PHGDH: variants seen among roughly 807,000 people sequenced by gnomAD.
PHGDH encodes D-3-phosphoglycerate dehydrogenase.
A neutral mutation model predicts 52.6 loss-of-function variants in PHGDH; 50 were observed. The ratio of observed to expected loss-of-function variants is 0.95; its 90% confidence interval spans 0.76 to 1.20. PHGDH has a LOEUF of 1.20. PHGDH is among the 50% of genes most tolerant of loss of function. The pLI, the probability that PHGDH is intolerant of heterozygous loss-of-function variation, is 0.00. For missense variants in PHGDH, 630 were observed against 684.6 expected, an observed-to-expected ratio of 0.92 and a Z score of 0.89; for synonymous variants, 271 against 280.5, an observed-to-expected ratio of 0.97 and a Z score of 0.34.
At position 119,721,372 on chromosome 1, in the gene PHGDH, G is replaced by A. The variant is rs369856334; in HGVS notation, c.290+51G>A. The A allele has an allele frequency of 2.5e-6, 4 of 1,574,068 alleles. No individual in the cohort carries two copies. The African/African-American group carries it at 5.4e-5, about 21-fold the overall frequency. On this transcript the variant is annotated intron_variant, in intron 2 of 11. Transcript: ENST00000641023. ...TTGGGGGTAGGGGGGTGAGTGCGGA[G>A]ACTGACCACACCTAGGGAGAAAAAA...
At chr1:119,726,702 C>T in intron 3 of PHGDH, 149 bp from the exon 4 acceptor site, 1 of 715,696 alleles carries the variant, frequency 1.4e-6, no homozygotes, top group Admixed American at 2.0e-5. Context: ...CCTTTATCCC[C>T]CATCAGTGTT....
At position 119,726,865 on chromosome 1, in the gene PHGDH, C is replaced by T. The variant is rs749596483; in HGVS notation, c.371C>T (p.Ala124Val). 1.8e-5 allele frequency: 29 copies of T among 1,613,904 alleles called. No homozygotes were observed. Among genetic ancestry groups the T allele is most frequent in the East Asian group, 1.1e-4 (5 of 44,898 alleles). ...IMCLARQIPQ[A>V]TASMKDGKWE... ...TATCCTTGCAGGCAGATTCCCCAGG[C>T]GACGGCTTCGATGAAGGACGGCAAA... The change falls in exon 4 of 12, where the codon GCG becomes GTG. Residue 124 changes from alanine (A) to valine (V), a missense_variant. Ala to Val is a moderately conservative substitution (Grantham distance 64). Transcript: ENST00000641023.
chr1:119,728,188 C>T (rs148660175), intron 5 of PHGDH, among the ~76,000 whole-genome samples: 30 of 152,156 alleles, frequency 2.0e-4, no homozygotes, highest in Middle Eastern at 3.4e-3. Flanking sequence ...ATATGAATAC[C>T]GAGGCTTATT....
rs1273573263 is a variant in PHGDH at position 119,737,126 on chromosome 1, G to T, written c.805G>T (p.Asp269Tyr). The T allele has an allele frequency of 4.3e-6, 7 of 1,614,052 alleles. No individual in the cohort carries two copies. In the East Asian group the frequency reaches 1.1e-4, roughly 26 times the overall value. ...TCTTTCTGGGCAGGAGCCGCCACGG[G>T]ACCGGGCCTTGGTGGACCATGAGAA... Reference protein sequence around the residue: ...LDVFTEEPPRDRALVDHENVI... With the variant: ...LDVFTEEPPRYRALVDHENVI... The change falls in exon 8 of 12, where the codon GAC (aspartate) becomes TAC (tyrosine). Residue 269 changes from aspartate to tyrosine, a missense_variant. Transcript: ENST00000641023.
At position 119,734,641 on chromosome 1, in the gene PHGDH, GGT is replaced by G; in HGVS notation, c.519_520del (p.Tyr174Ter). ...TCTCTTGCTTCCAACCAGACTATAG[GGT>G]ATGACCCCATCATTTCCCCAGAGGT... On this transcript the variant is annotated frameshift_variant, in exon 6 of 12. Coordinates refer to ENST00000641023, the MANE Select transcript of PHGDH (RefSeq NM_006623.4). LOFTEE classifies it high-confidence loss of function. The G allele has an allele frequency of 6.2e-7, 1 of 1,613,948 alleles. No individual in the cohort carries two copies.
chr1:119,738,661 C>T (rs1652051218), intron 8 of PHGDH, among the ~76,000 whole-genome samples: 1 of 152,236 alleles, frequency 6.6e-6, no homozygotes, highest in African/African-American at 2.4e-5. Context: ...CAGAAAGCAG[C>T]TGTCTGCCTT....
At chr1:119,738,163 G>C (rs1195320208) in intron 8 of PHGDH, among the ~76,000 whole-genome samples, 1 of 152,146 alleles carries the variant, frequency 6.6e-6, no homozygotes, top group Non-Finnish European at 1.5e-5. Flanking sequence ...TTGTGTGGGT[G>C]GGCCCAGGCC....
chr1:119,728,564 G>C (rs1651552326), intron 5 of PHGDH, among the ~76,000 whole-genome samples: 1 of 152,092 alleles, frequency 6.6e-6, no homozygotes, highest in Admixed American at 6.5e-5. Flanking sequence ...AGCTCAGTAG[G>C]CTTCTGGCTA....
chr1:119,724,753 G>A, intron 3 of PHGDH: 1 of 455,826 alleles, frequency 2.2e-6, no homozygotes, highest in Non-Finnish European at 4.4e-6. Flanking sequence ...GGAAAGGATT[G>A]GGAGCCAGCA....
chr1:119,734,536 GT>G, intron 5 of PHGDH, 97 bp from the exon 6 acceptor site: 1 of 1,113,608 alleles, frequency 9.0e-7, no homozygotes, highest in Admixed American at 1.7e-5. Flanking sequence ...ATGGTAGTTA[GT>G]ATATGGTAAA....
intron 5 of PHGDH, among the ~76,000 whole-genome samples, chr1:119,733,350 T>A (rs587678493): frequency 5.3e-5 from 8 of 152,030 alleles, no homozygotes; most frequent in Non-Finnish European, 8.8e-5. Context: ...TTTTATTTTT[T>A]TTTTTTTTTC....
chr1:119,717,783 T>A (rs1304507836), intron 1 of PHGDH, among the ~76,000 whole-genome samples: 3 of 152,200 alleles, frequency 2.0e-5, no homozygotes, highest in Non-Finnish European at 4.4e-5. Flanking sequence ...TTTTTGAAAA[T>A]CCTTGAGCAC....
Position 119,742,959 on chromosome 1 carries a change from GC to G in PHGDH, c.1364del (p.Pro455GlnfsTer27). The G allele has an allele frequency of 6.2e-7, 1 of 1,614,142 alleles. No homozygotes were observed. Among genetic ancestry groups the G allele is most frequent in the Non-Finnish European group, 8.5e-7 (1 of 1,179,964 alleles). On this transcript the variant is annotated frameshift_variant, in exon 11 of 12. Coordinates refer to ENST00000641023, the MANE Select transcript of PHGDH (RefSeq NM_006623.4). LOFTEE classifies it high-confidence loss of function. The stretch of plus-strand genomic sequence containing the variant: ...AGGGGCTCAATGGAGCTGTCTTCAG[GC>G]CAGAAGTGCCTCTCCGCAGGGACCT... ...LQGLNGAVFRPEVPLRRDLPL... is the reference protein window; with the variant it reads ...LQGLNGAVFRXEVPLRRDLPL...
chr1:119,740,188 T>A, intron 8 of PHGDH, 198 bp from the exon 9 acceptor site: 2 of 600,724 alleles, frequency 3.3e-6, no homozygotes, highest in Non-Finnish European at 6.0e-6. Context: ...CATTTCTGGC[T>A]CCACAGCTTT....
rs185210192 is a variant in PHGDH, at chr1:119,728,612, G to A, written c.510+1510G>A. 7.9e-5 allele frequency among the ~76,000 whole-genome samples: 12 copies of A among 152,262 alleles called. No individual in the cohort carries two copies. In the East Asian group the frequency reaches 2.3e-3, roughly 29 times the overall value. On this transcript the variant is annotated intron_variant, in intron 5 of 11. Transcript: ENST00000641023. ...GATTGCAACCCTCTGGTTGCCATCA[G>A]TAGCAGTGCCACCCACTTGGGCTAA...
chr1:119,734,260 C>G (rs971369887), intron 5 of PHGDH: 20 of 352,570 alleles, frequency 5.7e-5, no homozygotes, highest in Non-Finnish European at 1.1e-4. Flanking sequence ...CTTGTCCAGA[C>G]CTATATGAGC....
intron 1 of PHGDH, chr1:119,720,385 C>T (rs1570989913): frequency 1.3e-5 from 2 of 152,182 alleles, no homozygotes; most frequent in Non-Finnish European, 2.9e-5. Context: ...GTTTTTCTTT[C>T]AACATTCGTT....
chr1:119,736,262 T>C (rs1400689543), intron 7 of PHGDH, among the ~76,000 whole-genome samples: 1 of 152,230 alleles, frequency 6.6e-6, no homozygotes, highest in African/African-American at 2.4e-5. Context: ...ATAAGCTCCC[T>C]GAAGGCAGGG....
At chr1:119,720,820 C>T (rs1433127203) in intron 1 of PHGDH, 1 of 366,730 alleles carries the variant, frequency 2.7e-6, no homozygotes, top group Non-Finnish European at 5.3e-6. Flanking sequence ...CCCCTGACTT[C>T]CAGCATGTGT....
Sources: allele counts gnomAD v4.1 joint callset (sites outside exome capture counted in the v4.1 genomes callset), GRCh38; gene constraint gnomAD v4.1.1; transcripts MANE v1.5; gene names NCBI Gene and HGNC (gene_info 2026-07-23, HGNC 2026-07-21).